The following WWOX variants were observed in gnomAD, a reference collection of about 807,000 sequenced individuals.
WWOX encodes WW domain-containing oxidoreductase.
WWOX carries 69 observed loss-of-function variants against 46.2 expected under a neutral mutation model. That is an observed-to-expected ratio of 1.49 (90% CI 1.23 to 1.82). The LOEUF (loss-of-function observed/expected upper bound fraction) is 1.82. Ranked by LOEUF, WWOX falls within the 40% of genes most tolerant of loss-of-function variation. The pLI is 0.00. For synonymous variants in WWOX, 359 were observed against 202.6 expected (o/e 1.77, Z -6.56); for missense variants, 919 against 542.6 (o/e 1.69, Z -6.89).
chr16:78,876,333 C>T (rs2044233398), intron 8 of WWOX, among the ~76,000 whole-genome samples: 1 of 151,942 alleles, frequency 6.6e-6, no homozygotes, highest in South Asian at 2.1e-4. Flanking sequence ...CTTTCTTCTG[C>T]ACTTTGGGTG....
At chr16:78,509,643 G>C (rs550621558) in intron 8 of WWOX, among the ~76,000 whole-genome samples, 1 of 152,126 alleles carries the variant, frequency 6.6e-6, no homozygotes, top group Non-Finnish European at 1.5e-5. Context: ...GAAAAGCAGC[G>C]ATGGCAGGAC....
At chr16:78,935,958 C>CA (rs796696336) in intron 8 of WWOX, among the ~76,000 whole-genome samples, 7 of 150,622 alleles carry the variant, frequency 4.6e-5, no homozygotes, top group African/African-American at 1.5e-4. Context: ...AGCTAGGTTC[C>CA]AAAAAAAAAG....
At chr16:78,208,134 G>C (rs1263908101) in intron 5 of WWOX, among the ~76,000 whole-genome samples, 1 of 152,226 alleles carries the variant, frequency 6.6e-6, no homozygotes, top group Non-Finnish European at 1.5e-5. Flanking sequence ...CTTCTGGCTA[G>C]CTTGATCATA....
At chr16:78,389,424 A>G (rs2082131383) in intron 6 of WWOX, among the ~76,000 whole-genome samples, 2 of 152,154 alleles carry the variant, frequency 1.3e-5, no homozygotes, top group Admixed American at 1.3e-4. Context: ...GTCAGCTATT[A>G]TGGATGGCTG....
chr16:79,118,622 G>C (rs1320994802), intron 8 of WWOX, among the ~76,000 whole-genome samples: 1 of 152,168 alleles, frequency 6.6e-6, no homozygotes, highest in Non-Finnish European at 1.5e-5. Context: ...AATACATACA[G>C]CTCAGTGAAG....
chr16:78,946,037 C>T (rs1445469418), intron 8 of WWOX, among the ~76,000 whole-genome samples: 1 of 152,164 alleles, frequency 6.6e-6, no homozygotes, highest in Non-Finnish European at 1.5e-5. Context: ...TAGCACTTCG[C>T]AATGAAGCTG....
intron 8 of WWOX, among the ~76,000 whole-genome samples, chr16:78,621,140 G>A (rs563151130): frequency 6.6e-6 from 1 of 152,116 alleles, no homozygotes; most frequent in East Asian, 1.9e-4. Context: ...GCAGGGTATA[G>A]TGCAGAAACC....
intron 8 of WWOX, among the ~76,000 whole-genome samples, chr16:79,177,709 C>T (rs1403848023): frequency 6.6e-6 from 1 of 152,142 alleles, no homozygotes; most frequent in African/African-American, 2.4e-5. Context: ...ATTCAGTAGT[C>T]CCAGCCTTAC....
intron 8 of WWOX, among the ~76,000 whole-genome samples, chr16:78,635,265 T>C (rs77603546): frequency 2.0e-3 from 304 of 152,260 alleles, no homozygotes; most frequent in African/African-American, 7.1e-3. Flanking sequence ...CTTAAGTATT[T>C]TGCCTGTTGG....
intron 8 of WWOX, among the ~76,000 whole-genome samples, chr16:78,434,750 G>T (rs772014035): frequency 1.3e-5 from 2 of 152,154 alleles, no homozygotes; most frequent in African/African-American, 4.8e-5. Flanking sequence ...AGATGAGTCT[G>T]TGACTATGGA....
chr16:79,066,586 A>T (rs2048445957), intron 8 of WWOX, among the ~76,000 whole-genome samples: 2 of 152,204 alleles, frequency 1.3e-5, no homozygotes. Flanking sequence ...TTATTTCTGA[A>T]AGCTCACCTC....
intron 8 of WWOX, among the ~76,000 whole-genome samples, chr16:78,608,543 C>G (rs1047924382): frequency 3.9e-5 from 6 of 152,170 alleles, no homozygotes; most frequent in African/African-American, 9.7e-5. Flanking sequence ...AAGAGCCACT[C>G]TGTGCAGAAA....
chr16:79,079,497 C>G (rs2048721463), intron 8 of WWOX, among the ~76,000 whole-genome samples: 1 of 152,184 alleles, frequency 6.6e-6, no homozygotes, highest in South Asian at 2.1e-4. Context: ...TTGTTTGCCC[C>G]AACCCCCTGT....
intron 8 of WWOX, among the ~76,000 whole-genome samples, chr16:78,764,610 C>T (rs2049884376): frequency 6.9e-6 from 1 of 144,452 alleles, no homozygotes; most frequent in South Asian, 2.6e-4. Flanking sequence ...GGTTTGGAAG[C>T]CATGCTGCTA....
intron 8 of WWOX, among the ~76,000 whole-genome samples, chr16:78,511,451 A>G (rs1465099): frequency 0.6 from 90,954 of 152,094 alleles, 31,677 homozygotes; most frequent in Non-Finnish European, 0.77. Flanking sequence ...CGTTGCAGGC[A>G]CGTTGAATGT....
chr16:78,367,652 C>T (rs1239988893), intron 5 of WWOX, among the ~76,000 whole-genome samples: 1 of 152,084 alleles, frequency 6.6e-6, no homozygotes, highest in Non-Finnish European at 1.5e-5. Flanking sequence ...AATTTCCAGG[C>T]TGGGGAGAAG....
chr16:78,718,751 A>T (rs1195142754), intron 8 of WWOX, among the ~76,000 whole-genome samples: 2 of 152,022 alleles, frequency 1.3e-5, no homozygotes, highest in African/African-American at 4.8e-5. Flanking sequence ...ATGTTTTTTT[A>T]AAAGAAGTAT....
At chr16:78,165,875 A>G (rs2034954955) in intron 5 of WWOX, among the ~76,000 whole-genome samples, 1 of 152,218 alleles carries the variant, frequency 6.6e-6, no homozygotes, top group African/African-American at 2.4e-5. Context: ...TTTGGGTTAA[A>G]TAAAAAAGAA....
chr16:78,918,944 A>G (rs2045313659), intron 8 of WWOX, among the ~76,000 whole-genome samples: 1 of 152,146 alleles, frequency 6.6e-6, no homozygotes, highest in South Asian at 2.1e-4. Context: ...TTGTGGTAAG[A>G]AGAGTACCTT....
Sources: allele counts gnomAD v4.1 joint callset (sites outside exome capture counted in the v4.1 genomes callset), GRCh38; gene constraint gnomAD v4.1.1; transcripts MANE v1.5; gene names NCBI Gene and HGNC (gene_info 2026-07-23, HGNC 2026-07-21).